Variants in NFATC1 observed in about 807,000 individuals in gnomAD.
NFATC1 encodes nuclear factor of activated T cells 1.
Under a neutral mutation model 76.0 loss-of-function variants are expected in NFATC1, and 22 were observed. The observed-to-expected ratio is 0.29, with a 90% CI of 0.21 to 0.41. The LOEUF (loss-of-function observed/expected upper bound fraction) is 0.41. NFATC1 is among the 10% of genes least tolerant of loss of function. The pLI, the probability that NFATC1 is intolerant of heterozygous loss-of-function variation, is 1.00. For synonymous variants in NFATC1, 704 were observed against 613.1 expected (o/e 1.15, Z -2.19); for missense variants, 1,357 against 1,337.7 (o/e 1.01, Z -0.23).
intron 8 of NFATC1, among the ~76,000 whole-genome samples, chr18:79,478,928 G>A (rs1355260798): frequency 1.3e-5 from 2 of 152,190 alleles, no homozygotes; most frequent in Middle Eastern, 3.2e-3. Flanking sequence ...CGGTTTACCT[G>A]TCAGCTCTGC....
chr18:79,440,449 C>T (rs1368128684), intron 3 of NFATC1, among the ~76,000 whole-genome samples: 1 of 152,246 alleles, frequency 6.6e-6, no homozygotes, highest in Non-Finnish European at 1.5e-5. Flanking sequence ...CAGCAATCAC[C>T]CCGTGGGGAG....
Position 79,521,101 on chromosome 18 carries a change from CTGTG to C in NFATC1, c.2783-6418_2783-6415del, listed in dbSNP as rs1176272300. Among the ~76,000 whole-genome samples the C allele has an allele frequency of 4.1e-5, 3 of 72,854 alleles. No homozygotes were observed. In the East Asian group the frequency reaches 1.3e-3, roughly 32 times the overall value. 47.8% of individuals were successfully genotyped at this position (72,854 alleles called of 152,430 possible). A position where few individuals can be genotyped will look rare whatever the true frequency, so the allele number is the denominator to read the frequency against. ...TGGGGGCATCCGCTGATGTGTGTGT[CTGTG>C]TGTGTGTGGGGGGCGTCTGCTGATG... On this transcript the variant is annotated intron_variant, in intron 9 of 9. Coordinates refer to ENST00000427363, the MANE Select transcript of NFATC1 (RefSeq NM_001278669.2).
At chr18:79,422,455 GGGTGACGGGGGTGGT>G (rs752747616) in intron 2 of NFATC1, 3 of 152,134 alleles carry the variant, frequency 2.0e-5, no homozygotes, top group Non-Finnish European at 4.4e-5. Flanking sequence ...GGGGATGAGT[GGGTGACGGGGGTGGT>G]GGGGGCCTGG....
chr18:79,448,981 C>G lies in NFATC1; in HGVS notation c.1586C>G (p.Ala529Gly). 2 of 1,612,914 alleles carry G rather than the reference C, an allele frequency of 1.2e-6. No individual in the cohort carries two copies. The highest frequency in any genetic ancestry group is 1.7e-6 in the Non-Finnish European group (2 of 1,179,910). The change falls in exon 4 of 10, where the codon GCC (alanine) becomes GGC (glycine). Residue 529 changes from alanine (A) to glycine (G), a missense_variant. Coordinates refer to ENST00000427363, the MANE Select transcript of NFATC1 (RefSeq NM_001278669.2). The part of the protein sequence containing the change: ...IPLLPENSMR[A>G]VIDCAGILKL... The stretch of plus-strand genomic sequence containing the variant: ...CTCCTGCCGGAGAACAGCATGCGAG[C>G]CGTGTAAGCCGCGGGGGACCTCCGG...
intron 2 of NFATC1, among the ~76,000 whole-genome samples, chr18:79,411,713 C>T (rs111435036): frequency 0.023 from 3,463 of 152,304 alleles, 111 homozygotes; most frequent in African/African-American, 0.073. Context: ...TGCGCCTCGC[C>T]TCTGCCTCCG....
chr18:79,441,855 GT>G (rs1330272923), intron 3 of NFATC1, among the ~76,000 whole-genome samples: 3 of 152,004 alleles, frequency 2.0e-5, no homozygotes, highest in Non-Finnish European at 4.4e-5. Context: ...GAAGGTCGAG[GT>G]TTCTCAGCAT....
intron 3 of NFATC1, among the ~76,000 whole-genome samples, chr18:79,447,923 A>G (rs1185760023): frequency 3.3e-5 from 5 of 152,232 alleles, no homozygotes; most frequent in African/African-American, 1.2e-4. Context: ...GACGCTGATG[A>G]GCAACTCATC....
chr18:79,482,357 G>A (rs2089309998), intron 8 of NFATC1, among the ~76,000 whole-genome samples: 1 of 133,888 alleles, frequency 7.5e-6, no homozygotes, highest in South Asian at 2.6e-4. Flanking sequence ...GTCCTGGGGT[G>A]TCATTCCAGT....
At chr18:79,516,824 T>C (rs1394592684) in intron 9 of NFATC1, among the ~76,000 whole-genome samples, 1 of 152,236 alleles carries the variant, frequency 6.6e-6, no homozygotes, top group Non-Finnish European at 1.5e-5. Context: ...CGCTTCCTAT[T>C]TTCTGATCTC....
rs1209927294 is a variant in NFATC1, at chr18:79,410,804, C to G, written c.529C>G (p.Leu177Val). The G allele has an allele frequency of 2.5e-6, 4 of 1,612,616 alleles. No homozygotes were observed. Among genetic ancestry groups the G allele is most frequent in the Non-Finnish European group, 3.4e-6 (4 of 1,179,820 alleles). The change falls in exon 2 of 10, where the codon CTG becomes GTG. Residue 177 changes from leucine (L) to valine (V), a missense_variant. This residue lies in a region of NFATC1 where 691 missense variants were observed against 613.1 expected (regional missense o/e 1.13). Coordinates refer to ENST00000427363, the MANE Select transcript of NFATC1 (RefSeq NM_001278669.2). This position sits in a 1 kb window ranked among gnomAD's most constrained non-coding sequence, Gnocchi z 6.7. ...DPSCLSPASS[L>V]SSRSCNSEAS... is the part of the protein sequence containing the mutation. ...CTCGTGCCTGAGCCCGGCCAGCAGCCTGTCCTCCCGGAGCTGCAACTCAGA... is the reference window on the plus strand; with the variant it reads ...CTCGTGCCTGAGCCCGGCCAGCAGCGTGTCCTCCCGGAGCTGCAACTCAGA...
intron 1 of NFATC1, chr18:79,400,551 C>G: frequency 8.1e-7 from 1 of 1,242,062 alleles, no homozygotes; most frequent in Non-Finnish European, 1.0e-6. Flanking sequence ...GCCCCCTCCG[C>G]GTCCTCGTCG....
chr18:79,400,370 C>CCCGGCT (rs2148126709), intron 1 of NFATC1: 1 of 1,442,800 alleles, frequency 6.9e-7, no homozygotes, highest in Non-Finnish European at 9.2e-7. Context: ...CGGCTCCCGC[C>CCCGGCT]CCGGCCCCGG....
intron 3 of NFATC1, among the ~76,000 whole-genome samples, chr18:79,438,217 T>C (rs7236190): frequency 0.26 from 39,570 of 152,104 alleles, 5,499 homozygotes; most frequent in African/African-American, 0.37. Context: ...TCCCTCCTGC[T>C]CTCTTTGCCG....
chr18:79,480,481 G>A (rs1169207340), intron 8 of NFATC1, among the ~76,000 whole-genome samples: 1 of 152,142 alleles, frequency 6.6e-6, no homozygotes, highest in Non-Finnish European at 1.5e-5. Flanking sequence ...ACTGCCGGCC[G>A]CCAGCATCCT....
rs181466903 is a variant in NFATC1, at chr18:79,463,386, G to A, written c.1959+2020G>A. Among the ~76,000 whole-genome samples, 281 of 106,400 alleles carry A rather than the reference G, an allele frequency of 2.6e-3. 1 individual carries two copies. Among genetic ancestry groups the A allele is most frequent in the African/African-American group, 9.4e-3 (263 of 27,968 alleles). 69.8% of individuals were successfully genotyped at this position (106,400 alleles called of 152,430 possible). A position where few individuals can be genotyped will look rare whatever the true frequency, so the allele number is the denominator to read the frequency against. On this transcript the variant is annotated intron_variant, in intron 7 of 9. Coordinates refer to ENST00000427363, the MANE Select transcript of NFATC1 (RefSeq NM_001278669.2). Reference sequence around the variant, plus strand: ...GGTGCTCAGAAGGGTCCTGGGAACGGCCAGCCACAGGCAAAGGCAGCTGGA... The same window carrying A: ...GGTGCTCAGAAGGGTCCTGGGAACGACCAGCCACAGGCAAAGGCAGCTGGA...
intron 1 of NFATC1, among the ~76,000 whole-genome samples, chr18:79,406,013 T>C (rs897340510): frequency 1.1e-4 from 17 of 152,096 alleles, no homozygotes; most frequent in Admixed American, 9.8e-4. Context: ...CCGCCTCCCC[T>C]TTCCTGCCCC....
At chr18:79,438,964 C>T (rs79747802) in intron 3 of NFATC1, among the ~76,000 whole-genome samples, 15,834 of 152,230 alleles carry the variant, frequency 0.1, 1,102 homozygotes, top group Non-Finnish European at 0.15. Context: ...TGGAGCCTCC[C>T]GTGAGGCAGC....
At position 79,440,937 on chromosome 18, in the gene NFATC1, C is replaced by T. The variant is rs557526962; in HGVS notation, c.1386+7199C>T. Among the ~76,000 whole-genome samples the T allele has an allele frequency of 3.2e-4, 49 of 152,352 alleles. 2 individuals carry two copies. The East Asian group carries it at 9.3e-3, about 29-fold the overall frequency. ...ACGTGGGAGTGGCGGCTGGGAGCACCCATGGGCGTGTGCCCGTCTGGGCTG... is the reference window on the plus strand; with the variant it reads ...ACGTGGGAGTGGCGGCTGGGAGCACTCATGGGCGTGTGCCCGTCTGGGCTG... On this transcript the variant is annotated intron_variant, in intron 3 of 9. Coordinates refer to ENST00000427363, the MANE Select transcript of NFATC1 (RefSeq NM_001278669.2).
At chr18:79,397,417 G>A (rs2085044331) in intron 1 of NFATC1, among the ~76,000 whole-genome samples, 1 of 111,994 alleles carries the variant, frequency 8.9e-6, no homozygotes, top group Non-Finnish European at 2.1e-5. Context: ...GGGCTTGCTT[G>A]AGAACCGGGC....
Sources: gnomAD v4.1 joint callset for allele counts (sites outside exome capture counted in the v4.1 genomes callset) on GRCh38, gnomAD v4.1.1 for gene constraint, gnomAD v4.1.1 regional missense constraint, Gnocchi (gnomAD v3.1) non-coding constraint, MANE v1.5 for transcripts, NCBI Gene and HGNC (gene_info 2026-07-23, HGNC 2026-07-21) for gene names.